The following AFDN variants were observed in gnomAD, a reference collection of about 807,000 sequenced individuals.
AFDN encodes the protein afadin, adherens junction formation factor.
A neutral mutation model predicts 216.6 loss-of-function variants in AFDN; 68 were observed. The ratio of observed to expected loss-of-function variants is 0.31; its 90% CI spans 0.26 to 0.38. The LOEUF is 0.38. Ranked by LOEUF, AFDN falls within the 10% of genes least tolerant of loss-of-function variation. AFDN has a pLI of 1.00. For missense variants in AFDN, 2,136 were observed against 2,342.0 expected, an observed-to-expected ratio of 0.91 and a Z score of 1.82; for synonymous variants, 868 against 853.7, an observed-to-expected ratio of 1.02 and a Z score of -0.29.
chr6:167,867,119 C>CA (rs1402970035), intron 2 of AFDN, among the ~76,000 whole-genome samples: 7 of 152,228 alleles, frequency 4.6e-5, no homozygotes, highest in Non-Finnish European at 8.8e-5. Context: ...AGTGCCTACT[C>CA]ACACTTGCTT....
chr6:167,905,978 G>C (rs1045273186), intron 12 of AFDN, among the ~76,000 whole-genome samples: 1 of 152,122 alleles, frequency 6.6e-6, no homozygotes, highest in Non-Finnish European at 1.5e-5. Context: ...GGTGGCGGGC[G>C]CCTGTAGCCC....
intron 13 of AFDN, 113 bp downstream of exon 13, chr6:167,907,402 G>A: frequency 2.5e-6 from 2 of 790,658 alleles, no homozygotes; most frequent in Non-Finnish European, 4.1e-6. Context: ...TACAATGTTA[G>A]CAATAATATT....
chr6:167,948,093 A>G, intron 28 of AFDN, 149 bp downstream of exon 28: 1 of 754,948 alleles, frequency 1.3e-6, no homozygotes, highest in Non-Finnish European at 2.1e-6. Flanking sequence ...TTGATTTTTA[A>G]TATACTAGTC....
chr6:167,842,250 C>CT (rs941181920), intron 1 of AFDN, among the ~76,000 whole-genome samples: 7 of 151,240 alleles, frequency 4.6e-5, no homozygotes, highest in South Asian at 2.1e-4. Flanking sequence ...ATTTACCACC[C>CT]TTTTTTTTTC....
chr6:167,949,697 T>C (rs1562732175), intron 29 of AFDN, among the ~76,000 whole-genome samples: 1 of 152,236 alleles, frequency 6.6e-6, no homozygotes, highest in Non-Finnish European at 1.5e-5. Flanking sequence ...TAGTATCTTT[T>C]GTTAGAACGT....
chr6:167,907,281 A>G lies in AFDN; in HGVS notation c.1761A>G (p.Gln587=), dbSNP rs1315015793. 1 of 1,613,008 alleles carries G rather than the reference A, an allele frequency of 6.2e-7. No homozygotes were observed. Among genetic ancestry groups the G allele is most frequent in the East Asian group, 2.2e-5 (1 of 44,878 alleles). ...AACAGCAGCCAGATTATCGCAGGCA[A>G]GAAAGCAGGTAGGAAACACATCATT... ...RVEQQPDYRR[Q]ESRTQDASGP... Residue 587 remains glutamine (Q), a synonymous_variant, in exon 13 of 34, where the codon CAA becomes CAG. Transcript: ENST00000683244.
chr6:167,949,189 T>A (rs1215008703), intron 29 of AFDN, among the ~76,000 whole-genome samples: 1 of 152,194 alleles, frequency 6.6e-6, no homozygotes, highest in Non-Finnish European at 1.5e-5. Flanking sequence ...ACTGTTTGTA[T>A]GGTGAAGGAT....
rs1056954733 is a variant in AFDN, at chr6:167,950,873, T to A, written c.3832-313T>A. The stretch of plus-strand genomic sequence containing the variant: ...TTTTTGCTTTTTTTTTTTTTTTTTT[T>A]AAATTTTAGTCGAGACAGAGACTAT... On this transcript the variant is annotated intron_variant, in intron 29 of 33. Coordinates refer to ENST00000683244, the MANE Select transcript of AFDN (RefSeq NM_001386888.1). Among the ~76,000 whole-genome samples, 35 of 149,394 alleles carry A rather than the reference T, an allele frequency of 2.3e-4. 1 individual carries two copies. Among genetic ancestry groups the A allele is most frequent in the Non-Finnish European group, 3.7e-4 (25 of 67,258 alleles).
chr6:167,966,922 G>T (rs950793815), intron 32 of AFDN, among the ~76,000 whole-genome samples: 1 of 152,142 alleles, frequency 6.6e-6, no homozygotes, highest in African/African-American at 2.4e-5. Context: ...CCTGTTACTT[G>T]CACTCTTAGC....
Position 167,880,449 on chromosome 6 carries a change from G to C in AFDN, c.829G>C (p.Ala277Pro). 6.2e-7 allele frequency: 1 copy of C among 1,613,888 alleles called. No individual in the cohort carries two copies. The highest frequency in any genetic ancestry group is 8.5e-7 in the Non-Finnish European group (1 of 1,179,804). The change falls in exon 6 of 34, where the codon GCT becomes CCT. Residue 277 changes from alanine (A) to proline (P), a missense_variant. Coordinates refer to ENST00000683244, the MANE Select transcript of AFDN (RefSeq NM_001386888.1). ...LLSTTDPADF[A>P]VAEALEKYGL... ...GTCTACTACAGATCCTGCAGACTTTGCTGTGGCTGAAGCTTTAGAGAAGTA... is the reference window on the plus strand; with the variant it reads ...GTCTACTACAGATCCTGCAGACTTTCCTGTGGCTGAAGCTTTAGAGAAGTA...
rs565680158 is a variant in AFDN, at chr6:167,935,402, G to A, written c.3100-7727G>A. On this transcript the variant is annotated intron_variant, in intron 23 of 33. Transcript: ENST00000683244. ...AAAGGCTGGACATAGCAGTGTGGGC[G>A]CTGTACTGCAGATGTTCTCAGGGGC... 9.4e-4 allele frequency among the ~76,000 whole-genome samples: 143 copies of A among 152,288 alleles called. 2 individuals carry two copies. Among genetic ancestry groups the A allele is most frequent in the South Asian group, 9.3e-3 (45 of 4,824 alleles).
chr6:167,966,226 C>G (rs1177212674), intron 32 of AFDN, 181 bp downstream of exon 32: 1 of 1,532,474 alleles, frequency 6.5e-7, no homozygotes, highest in African/African-American at 1.4e-5. Flanking sequence ...CAGCCCCTGC[C>G]CCCTCCAAAA....
intron 30 of AFDN, among the ~76,000 whole-genome samples, chr6:167,960,090 C>G (rs191011488): frequency 7.2e-4 from 109 of 152,296 alleles, no homozygotes; most frequent in Middle Eastern, 3.4e-3. Flanking sequence ...CTGTTTTAAG[C>G]TATTATTTTG....
intron 16 of AFDN, chr6:167,913,843 A>C (rs1287134303): frequency 2.4e-6 from 1 of 425,330 alleles, no homozygotes; most frequent in Non-Finnish European, 4.2e-6. Flanking sequence ...TATACTGCAC[A>C]GACTACCAGA....
At chr6:167,895,133 G>T (rs980137) in intron 9 of AFDN, among the ~76,000 whole-genome samples, 70,858 of 147,914 alleles carry the variant, frequency 0.48, 17,099 homozygotes, top group East Asian at 0.8. Context: ...TTTTTTTTTT[G>T]TAAACCTAGC....
intron 21 of AFDN, among the ~76,000 whole-genome samples, chr6:167,920,083 A>G (rs1200822098): frequency 6.6e-6 from 1 of 152,226 alleles, no homozygotes; most frequent in East Asian, 1.9e-4. Flanking sequence ...AAGGTGCTCA[A>G]GGCTCAGTGC....
rs1461362760 is a variant in AFDN, at chr6:167,963,253, G to A, written c.4968+686G>A. 8.5e-6 allele frequency: 9 copies of A among 1,062,754 alleles called. No individual in the cohort carries two copies. The East Asian group carries it at 3.0e-4, about 36-fold the overall frequency. 65.8% of individuals were successfully genotyped at this position (1,062,754 alleles called of 1,614,324 possible). On this transcript the variant is annotated intron_variant, in intron 31 of 33. Transcript: ENST00000683244. ...CCTTTGTCCTGTGTGTGTGGCCGAC[G>A]CCCTCTGGATGAAGAGGCTGTAGCC...
intron 31 of AFDN, chr6:167,963,907 G>A (rs1256070941): frequency 6.6e-6 from 7 of 1,064,488 alleles, no homozygotes; most frequent in Non-Finnish European, 8.0e-6. Context: ...CTGCTTGGAG[G>A]GCTGTGCTTT....
At chr6:167,966,617 T>C (rs1326238451) in intron 32 of AFDN, among the ~76,000 whole-genome samples, 2 of 152,254 alleles carry the variant, frequency 1.3e-5, no homozygotes, top group Non-Finnish European at 2.9e-5. Flanking sequence ...TGATCTTCTA[T>C]TTGTTTGAAC....
Sources: allele counts gnomAD v4.1 joint callset (sites outside exome capture counted in the v4.1 genomes callset), GRCh38; gene constraint gnomAD v4.1.1; transcripts MANE v1.5; gene names NCBI Gene and HGNC (gene_info 2026-07-23, HGNC 2026-07-21).